The following COMMD10 variants were observed in gnomAD, a reference collection of about 807,000 sequenced individuals.
COMMD10 encodes COMM domain-containing protein 10.
A neutral mutation model predicts 28.9 loss-of-function variants in COMMD10; 33 were observed. The ratio of observed to expected loss-of-function variants is 1.14; its 90% CI spans 0.87 to 1.53. The LOEUF is 1.53. COMMD10 is among the 40% of genes most tolerant of loss of function. The probability of loss-of-function intolerance (pLI) is 0.00; values close to 1 mark genes in which losing one functional copy is unlikely to be tolerated. For synonymous variants in COMMD10, 110 were observed against 81.7 expected, an observed-to-expected ratio of 1.35 and a Z score of -1.87; for missense variants, 310 against 233.4, an observed-to-expected ratio of 1.33 and a Z score of -2.14.
chr5:116,205,106 A>G (rs1022405666), intron 5 of COMMD10, among the ~76,000 whole-genome samples: 8 of 152,202 alleles, frequency 5.3e-5, no homozygotes, highest in East Asian at 1.9e-4. Flanking sequence ...CTAGATGGTC[A>G]TGATCTGGTT....
intron 6 of COMMD10, 68 bp from the exon 7 acceptor site, chr5:116,292,383 G>A: frequency 3.7e-6 from 4 of 1,079,474 alleles, no homozygotes; most frequent in Non-Finnish European, 5.2e-6. Context: ...GCATGTGTCT[G>A]AATAACACTT....
At chr5:116,290,812 T>A (rs1751341555) in intron 5 of COMMD10, among the ~76,000 whole-genome samples, 1 of 152,188 alleles carries the variant, frequency 6.6e-6, no homozygotes, top group East Asian at 1.9e-4. Flanking sequence ...TTCCTCAGTA[T>A]ACAGAATCAA....
chr5:116,228,617 G>T (rs1177477390), intron 5 of COMMD10, among the ~76,000 whole-genome samples: 2 of 151,870 alleles, frequency 1.3e-5, no homozygotes, highest in Admixed American at 6.6e-5. Flanking sequence ...ATATGGTCCT[G>T]CTGTGATTTT....
At chr5:116,100,585 A>T (rs1180713071) in intron 4 of COMMD10, among the ~76,000 whole-genome samples, 1 of 145,342 alleles carries the variant, frequency 6.9e-6, no homozygotes, top group African/African-American at 2.5e-5. Flanking sequence ...GCTTTTTCCC[A>T]TGGTGTATCC....
At chr5:116,220,406 T>A (rs1163961589) in intron 5 of COMMD10, among the ~76,000 whole-genome samples, 1 of 105,688 alleles carries the variant, frequency 9.5e-6, no homozygotes, top group Non-Finnish European at 2.4e-5. Context: ...GTTTATCTTT[T>A]CCCTGTAATT....
At chr5:116,121,304 C>T (rs1237124701) in intron 4 of COMMD10, among the ~76,000 whole-genome samples, 1 of 152,204 alleles carries the variant, frequency 6.6e-6, no homozygotes, top group Non-Finnish European at 1.5e-5. Context: ...CTGCAAAGGA[C>T]ATGAACTAAT....
intron 4 of COMMD10, among the ~76,000 whole-genome samples, chr5:116,111,231 A>G (rs1751031677): frequency 6.6e-6 from 1 of 151,898 alleles, no homozygotes; most frequent in African/African-American, 2.4e-5. Context: ...TTTTTGTTTC[A>G]TTAATTTTTT....
At chr5:116,108,083 A>G (rs1404987531) in intron 4 of COMMD10, among the ~76,000 whole-genome samples, 1 of 152,176 alleles carries the variant, frequency 6.6e-6, no homozygotes, top group Non-Finnish European at 1.5e-5. Context: ...TGCCAGCCCC[A>G]GCTCTCCTGT....
At chr5:116,087,849 C>T (rs1750159634) in intron 2 of COMMD10, among the ~76,000 whole-genome samples, 1 of 152,128 alleles carries the variant, frequency 6.6e-6, no homozygotes, top group African/African-American at 2.4e-5. Context: ...GTGATTATGG[C>T]AGGTAACATT....
rs1485239452 is a variant in COMMD10 at position 116,134,189 on chromosome 5, G to C, written c.510+11G>C. ...AATGAAGATTCAAAGGTAAGAAATG[G>C]TATCCCATTAAAAGGATGTATTTTG... On this transcript the variant is annotated intron_variant, in intron 5 of 6. Coordinates refer to ENST00000274458, the MANE Select transcript of COMMD10 (RefSeq NM_016144.4). 6.9e-7 allele frequency: 1 copy of C among 1,446,578 alleles called. No homozygotes were observed. The highest frequency in any genetic ancestry group is 9.7e-7 in the Non-Finnish European group (1 of 1,026,752). The allele number at this position is 1,446,578 out of a possible 1,614,324, so 89.6% of individuals were successfully genotyped here. A position where few individuals can be genotyped will look rare whatever the true frequency, so the allele number is the denominator to read the frequency against.
intron 5 of COMMD10, among the ~76,000 whole-genome samples, chr5:116,134,942 G>A (rs1751983501): frequency 6.6e-6 from 1 of 151,894 alleles, no homozygotes; most frequent in Non-Finnish European, 1.5e-5. Context: ...TTATACCACA[G>A]GATTTTACTT....
chr5:116,114,442 G>A (rs1751162640), intron 4 of COMMD10, among the ~76,000 whole-genome samples: 1 of 152,102 alleles, frequency 6.6e-6, no homozygotes, highest in Non-Finnish European at 1.5e-5. Flanking sequence ...AGGCTGGGTG[G>A]CACTTGCAGA....
At chr5:116,166,371 T>A (rs1433506350) in intron 5 of COMMD10, among the ~76,000 whole-genome samples, 1 of 152,174 alleles carries the variant, frequency 6.6e-6, no homozygotes, top group Non-Finnish European at 1.5e-5. Context: ...TAATTGGAAT[T>A]CTCCATAGAC....
chr5:116,216,292 T>G (rs1749098583), intron 5 of COMMD10, among the ~76,000 whole-genome samples: 1 of 152,204 alleles, frequency 6.6e-6, no homozygotes, highest in Admixed American at 6.5e-5. Flanking sequence ...TTTTTAAATG[T>G]ATGTTAACAA....
intron 5 of COMMD10, among the ~76,000 whole-genome samples, chr5:116,171,121 C>CT (rs1239601649): frequency 3.4e-5 from 5 of 145,728 alleles, no homozygotes; most frequent in Admixed American, 6.7e-5. Flanking sequence ...CTACAAATAA[C>CT]TTAAATAAAT....
chr5:116,098,823 C>T (rs2136214), intron 4 of COMMD10, among the ~76,000 whole-genome samples: 4,295 of 152,044 alleles, frequency 0.028, 105 homozygotes, highest in East Asian at 0.14. Context: ...TAAGCTTTAT[C>T]GAGGTATAAT....
At chr5:116,120,541 A>G (rs893656829) in intron 4 of COMMD10, among the ~76,000 whole-genome samples, 2 of 152,120 alleles carry the variant, frequency 1.3e-5, no homozygotes, top group African/African-American at 2.4e-5. Flanking sequence ...GAGTATTTTC[A>G]TTACCCTCAA....
At chr5:116,187,541 A>C (rs1037039150) in intron 5 of COMMD10, among the ~76,000 whole-genome samples, 2 of 152,086 alleles carry the variant, frequency 1.3e-5, no homozygotes, top group Non-Finnish European at 1.5e-5. Context: ...AACAAAGAAG[A>C]GTGATTTGGA....
chr5:116,270,791 G>C (rs977958817), intron 5 of COMMD10, among the ~76,000 whole-genome samples: 2 of 151,708 alleles, frequency 1.3e-5, no homozygotes, highest in East Asian at 1.9e-4. Flanking sequence ...AGAAGAATTA[G>C]TTGGGCTTGA....
Sources: allele counts gnomAD v4.1 joint callset (sites outside exome capture counted in the v4.1 genomes callset), GRCh38; gene constraint gnomAD v4.1.1; transcripts MANE v1.5; gene names NCBI Gene and HGNC (gene_info 2026-07-23, HGNC 2026-07-21).